The following SYNPR variants were observed in gnomAD, a reference collection of about 807,000 sequenced individuals.
SYNPR encodes the protein synaptoporin.
Under a neutral mutation model 32.9 loss-of-function variants are expected in SYNPR, and 23 were observed. The observed-to-expected ratio is 0.70, with a 90% CI of 0.50 to 0.99. The LOEUF (loss-of-function observed/expected upper bound fraction) is 0.99, where lower values mean the gene tolerates loss of function less well. Among genes scored for constraint, SYNPR ranks in the 50% least tolerant of loss-of-function variants. The pLI is 0.00. For synonymous variants in SYNPR, 146 were observed against 135.9 expected (o/e 1.07, Z -0.52); for missense variants, 318 against 349.3 (o/e 0.91, Z 0.71).
intron 4 of SYNPR, among the ~76,000 whole-genome samples, chr3:63,587,007 T>G (rs1703196816): frequency 6.6e-6 from 1 of 152,046 alleles, no homozygotes; most frequent in Non-Finnish European, 1.5e-5. Context: ...CCAAATAGGT[T>G]TGAAGCTCTA....
At chr3:63,227,588 AT>A (rs1264519535), upstream of SYNPR, among the ~76,000 whole-genome samples, 2 of 152,098 alleles carry the variant, frequency 1.3e-5, no homozygotes, top group Middle Eastern at 3.2e-3. Flanking sequence ...GGGTCTCAAG[AT>A]CCTTTCATCT....
intron 2 of SYNPR, among the ~76,000 whole-genome samples, chr3:63,435,599 C>A (rs1700069890): frequency 6.6e-6 from 1 of 152,154 alleles, no homozygotes. Flanking sequence ...CCTAGCACAC[C>A]CTCCCATCTT....
intron 4 of SYNPR, among the ~76,000 whole-genome samples, chr3:63,598,811 A>G (rs1476166498): frequency 3.3e-5 from 5 of 152,210 alleles, no homozygotes; most frequent in Admixed American, 1.3e-4. Flanking sequence ...AAAGGTCTTC[A>G]AAGGCCTAAT....
chr3:63,555,380 T>G (rs771730960), intron 3 of SYNPR, among the ~76,000 whole-genome samples: 1 of 151,988 alleles, frequency 6.6e-6, no homozygotes, highest in Non-Finnish European at 1.5e-5. Context: ...TTTATGGTCA[T>G]AAATAAGCCT....
intron 3 of SYNPR, among the ~76,000 whole-genome samples, chr3:63,515,639 A>C (rs1701782584): frequency 6.6e-6 from 1 of 152,144 alleles, no homozygotes; most frequent in Non-Finnish European, 1.5e-5. Flanking sequence ...AGAACAGGGA[A>C]GGTTAAGACA....
chr3:63,332,479 C>T (rs149978598), intron 2 of SYNPR, among the ~76,000 whole-genome samples: 48 of 152,244 alleles, frequency 3.2e-4, no homozygotes, highest in African/African-American at 1.1e-3. Flanking sequence ...CCTATTGCAT[C>T]CTTAGACTTT....
intron 2 of SYNPR, among the ~76,000 whole-genome samples, chr3:63,381,379 A>C (rs1251827807): frequency 6.6e-6 from 1 of 152,214 alleles, no homozygotes; most frequent in Non-Finnish European, 1.5e-5. Flanking sequence ...GAGAACTACA[A>C]ACCACTGCTC....
chr3:63,388,556 TTGTGTG>T (rs749669898), intron 2 of SYNPR, among the ~76,000 whole-genome samples: 13,118 of 127,996 alleles, frequency 0.1, 702 homozygotes, highest in East Asian at 0.17. Context: ...CCCGGCTAAT[TTGTGTG>T]TGTGTGTGTG....
intron 2 of SYNPR, among the ~76,000 whole-genome samples, chr3:63,412,954 C>A (rs2088487062): frequency 1.3e-5 from 2 of 152,144 alleles, no homozygotes; most frequent in African/African-American, 4.8e-5. Context: ...AAATTCGGAA[C>A]CTGCTATTGC....
intron 3 of SYNPR, among the ~76,000 whole-genome samples, chr3:63,529,090 G>A (rs578049283): frequency 7.0e-6 from 1 of 143,330 alleles, no homozygotes; most frequent in African/African-American, 2.5e-5. Context: ...TGACTCTAGG[G>A]TCTGTGTATG....
chr3:63,349,905 A>C (rs2087483740), intron 2 of SYNPR, among the ~76,000 whole-genome samples: 1 of 152,220 alleles, frequency 6.6e-6, no homozygotes, highest in Non-Finnish European at 1.5e-5. Context: ...TTTTTAACAA[A>C]GGCAAATGCA....
intron 4 of SYNPR, among the ~76,000 whole-genome samples, chr3:63,593,162 C>T: frequency 6.6e-6 from 1 of 152,048 alleles, no homozygotes; most frequent in East Asian, 1.9e-4. Context: ...CCATAGTAAA[C>T]ATAGAATCAA....
intron 1 of SYNPR, among the ~76,000 whole-genome samples, chr3:63,239,436 T>C (rs75571386): frequency 0.21 from 12,291 of 57,508 alleles, 13 homozygotes; most frequent in Non-Finnish European, 0.24. Context: ...CAGTGTGTCA[T>C]GTACACACAC....
chr3:63,445,707 G>A (rs1474914303), intron 2 of SYNPR: 1 of 522,352 alleles, frequency 1.9e-6, no homozygotes. Context: ...TGGAGACATA[G>A]GACAAGTATG....
intron 4 of SYNPR, among the ~76,000 whole-genome samples, chr3:63,596,773 G>A (rs112103353): frequency 6.6e-6 from 1 of 152,230 alleles, no homozygotes; most frequent in African/African-American, 2.4e-5. Flanking sequence ...AGAAAGTGTG[G>A]CATTAATGAA....
rs551828426 is a variant in SYNPR at position 63,507,141 on chromosome 3, T to C, written c.209+26185T>C. 3.3e-5 allele frequency among the ~76,000 whole-genome samples: 5 copies of C among 150,970 alleles called. No homozygotes were observed. In the South Asian group the frequency reaches 1.0e-3, roughly 32 times the overall value. ...CAGCCTGGGTGACAGAGCGAGACTC[T>C]GTCTCAAAAAATAAAAAAAAAAAAG... On this transcript the variant is annotated intron_variant, in intron 3 of 5. Coordinates refer to ENST00000478300, the MANE Select transcript of SYNPR (RefSeq NM_001130003.2).
chr3:63,356,235 T>G (rs2087576061), intron 2 of SYNPR, among the ~76,000 whole-genome samples: 2 of 152,256 alleles, frequency 1.3e-5, no homozygotes, highest in African/African-American at 2.4e-5. Flanking sequence ...GTACAGTACC[T>G]GGGGTGAGGA....
chr3:63,542,431 G>A (rs573785935), intron 3 of SYNPR, among the ~76,000 whole-genome samples: 2 of 152,174 alleles, frequency 1.3e-5, no homozygotes, highest in African/African-American at 4.8e-5. Context: ...CCCATATTAA[G>A]CCTCAGTCTC....
rs550868537 is a variant in SYNPR at position 63,546,093 on chromosome 3, T to C, written c.210-10450T>C. ...AAGCAAACGAGAGAAGAAAGGATTT[T>C]CCCTGAAATGTACAGATAACGACCT... On this transcript the variant is annotated intron_variant, in intron 3 of 5. Transcript: ENST00000478300. Among the ~76,000 whole-genome samples the C allele has an allele frequency of 4.6e-5, 7 of 152,238 alleles. No homozygotes were observed. In the East Asian group the frequency reaches 1.4e-3, roughly 29 times the overall value.
Sources: allele counts gnomAD v4.1 joint callset (sites outside exome capture counted in the v4.1 genomes callset), GRCh38; gene constraint gnomAD v4.1.1; transcripts MANE v1.5; gene names NCBI Gene and HGNC (gene_info 2026-07-23, HGNC 2026-07-21).